The following BICRAL variants were observed in gnomAD, a reference collection of about 807,000 sequenced individuals.
The protein encoded by BICRAL is BRD4-interacting chromatin-remodeling complex-associated protein-like.
Under a neutral mutation model 91.8 loss-of-function variants are expected in BICRAL, and 8 were observed. The ratio of observed to expected loss-of-function variants is 0.09; its 90% CI spans 0.05 to 0.16. BICRAL has a LOEUF of 0.16. Ranked by LOEUF, BICRAL falls within the 10% of genes least tolerant of loss-of-function variation. The probability of loss-of-function intolerance (pLI) is 1.00; values close to 1 mark genes in which losing one functional copy is unlikely to be tolerated. For synonymous variants in BICRAL, 445 were observed against 491.1 expected (o/e 0.91, Z 1.24); for missense variants, 1,038 against 1,310.9 (o/e 0.79, Z 3.21).
At chr6:42,825,848 G>A (rs1287466974) in intron 5 of BICRAL, among the ~76,000 whole-genome samples, 3 of 150,972 alleles carry the variant, frequency 2.0e-5, no homozygotes, top group Non-Finnish European at 4.4e-5. Flanking sequence ...GTGAGAGGCC[G>A]AAGTAGGTGG....
intron 10 of BICRAL, 81 bp from the exon 11 acceptor site, chr6:42,860,181 T>C: frequency 5.0e-6 from 4 of 796,710 alleles, no homozygotes; most frequent in Non-Finnish European, 8.6e-6. Flanking sequence ...AGAAGAGTAA[T>C]GTATTTCAGT....
At chr6:42,763,595 C>T (rs1229647958) in intron 1 of BICRAL, among the ~76,000 whole-genome samples, 3 of 151,810 alleles carry the variant, frequency 2.0e-5, no homozygotes, top group Non-Finnish European at 2.9e-5. Context: ...CTAAGGCAAG[C>T]GGATCACTTG....
At chr6:42,793,733 G>A (rs1324659544) in intron 1 of BICRAL, among the ~76,000 whole-genome samples, 4 of 149,712 alleles carry the variant, frequency 2.7e-5, no homozygotes, top group Non-Finnish European at 4.4e-5. Context: ...TGTTTTTGGC[G>A]CTACTTCTAT....
chr6:42,798,640 G>A (rs1038057039), intron 1 of BICRAL, among the ~76,000 whole-genome samples: 1 of 152,164 alleles, frequency 6.6e-6, no homozygotes, highest in African/African-American at 2.4e-5. Context: ...AGGTTGTAGT[G>A]AGTTGAGATC....
chr6:42,865,838 T>TA lies in BICRAL; in HGVS notation c.*393dup. ...ATAAGTCATTTGAAAAGAACAGACT[T>TA]ACTAAAATCAAACGAGACGGATAGA... On this transcript the variant is annotated 3_prime_UTR_variant, in exon 13 of 13. Transcript: ENST00000314073. 6.2e-6 allele frequency: 1 copy of TA among 161,880 alleles called. No homozygotes were observed. The highest frequency in any genetic ancestry group is 1.3e-5 in the Non-Finnish European group (1 of 74,466). The allele number at this position is 161,880 out of a possible 1,614,324, so 10.0% of individuals were successfully genotyped here.
intron 1 of BICRAL, among the ~76,000 whole-genome samples, chr6:42,765,902 T>TAAAAAGAGG (rs1407006664): frequency 2.0e-5 from 3 of 152,118 alleles, no homozygotes; most frequent in African/African-American, 7.2e-5. Flanking sequence ...AGAAATCGTT[T>TAAAAAGAGG]AAAAAGAGGA....
In BICRAL at chr6:42,810,082, C is replaced by T. The variant is rs554751834; in HGVS notation, c.-101-224C>T. Reference sequence around the variant, plus strand: ...GATTACAGGCGTGAGCCACTATGCCCGGCCAAATTTTTAAATTTCTAAGTC... The same window carrying T: ...GATTACAGGCGTGAGCCACTATGCCTGGCCAAATTTTTAAATTTCTAAGTC... On this transcript the variant is annotated intron_variant, in intron 1 of 12. Transcript: ENST00000314073. Among the ~76,000 whole-genome samples the T allele has an allele frequency of 1.2e-4, 19 of 152,292 alleles. No individual in the cohort carries two copies. The South Asian group carries it at 2.9e-3, about 23-fold the overall frequency.
rs1421887212 is a variant in BICRAL at position 42,826,670 on chromosome 6, GC to G, written c.160-1822del. On this transcript the variant is annotated intron_variant, in intron 5 of 12. Coordinates refer to ENST00000314073, the MANE Select transcript of BICRAL (RefSeq NM_001393499.1). ...TTACTCTTTTCAGTTGCTTTGTTGT[GC>G]TGTGGATGGTAGTCAGAAGTTGTAC... is the stretch of plus-strand genomic sequence containing the variant. Among the ~76,000 whole-genome samples, 8 of 152,076 alleles carry G rather than the reference GC, an allele frequency of 5.3e-5. No individual in the cohort carries two copies. The South Asian group carries it at 6.2e-4, about 12-fold the overall frequency.
chr6:42,845,440 C>T (rs1764977862), intron 6 of BICRAL, among the ~76,000 whole-genome samples: 1 of 151,340 alleles, frequency 6.6e-6, no homozygotes, highest in Non-Finnish European at 1.5e-5. Flanking sequence ...ACTCAAATGG[C>T]TCATCAAGGG....
intron 6 of BICRAL, among the ~76,000 whole-genome samples, chr6:42,834,724 C>T (rs1381868056): frequency 6.6e-6 from 1 of 152,074 alleles, no homozygotes; most frequent in Non-Finnish European, 1.5e-5. Context: ...AGTGGGTGCC[C>T]CTCCAAATTG....
intron 8 of BICRAL, among the ~76,000 whole-genome samples, 195 bp downstream of exon 8, chr6:42,853,933 G>A (rs1765269958): frequency 6.6e-6 from 1 of 152,128 alleles, no homozygotes; most frequent in Non-Finnish European, 1.5e-5. Flanking sequence ...TGAGATGAAT[G>A]TCTATTCTAT....
chr6:42,755,796 A>G (rs1238256446), intron 1 of BICRAL, among the ~76,000 whole-genome samples: 1 of 151,830 alleles, frequency 6.6e-6, no homozygotes, highest in Non-Finnish European at 1.5e-5. Flanking sequence ...CAGCATCCCA[A>G]GTAGCTGGGA....
intron 11 of BICRAL, among the ~76,000 whole-genome samples, chr6:42,861,652 A>G (rs1765559858): frequency 6.6e-6 from 1 of 152,212 alleles, no homozygotes; most frequent in Admixed American, 6.5e-5. Flanking sequence ...AACATAGAGT[A>G]AATGTGTATC....
intron 6 of BICRAL, among the ~76,000 whole-genome samples, chr6:42,832,433 TTATATA>T (rs978041067): frequency 6.8e-6 from 1 of 147,460 alleles, no homozygotes; most frequent in African/African-American, 2.5e-5. Context: ...TATTATGTAT[TTATATA>T]TATATTAATG....
chr6:42,750,418 C>T (rs1015979560), intron 1 of BICRAL, among the ~76,000 whole-genome samples: 2 of 152,012 alleles, frequency 1.3e-5, no homozygotes, highest in African/African-American at 2.4e-5. Context: ...CCCACCTCGG[C>T]CCCTGGAAGT....
chr6:42,860,286 C>T lies in BICRAL; in HGVS notation c.2279C>T (p.Ala760Val). The T allele has an allele frequency of 6.2e-7, 1 of 1,604,826 alleles. No individual in the cohort carries two copies. Among genetic ancestry groups the T allele is most frequent in the Non-Finnish European group, 8.5e-7 (1 of 1,171,924 alleles). ...RKVDNEFETV[A>V]TQLLKRTQAM... is the part of the protein sequence containing the mutation. ...GTGGACAATGAATTTGAGACAGTTG[C>T]CACTCAGCTCCTAAAAAGGACCCAA... Residue 760 changes from alanine to valine, a missense_variant, in exon 11 of 13, where the codon GCC (alanine) becomes GTC (valine). By Grantham distance (64) the Ala-to-Val change is moderately conservative. Around this residue, in one of 5 missense-constraint regions of BICRAL, gnomAD observed 294 missense variants for 292.6 expected, o/e 1.00. Coordinates refer to ENST00000314073, the MANE Select transcript of BICRAL (RefSeq NM_001393499.1).
At chr6:42,819,410 C>T (rs894406810) in intron 2 of BICRAL, among the ~76,000 whole-genome samples, 1 of 152,068 alleles carries the variant, frequency 6.6e-6, no homozygotes, top group Non-Finnish European at 1.5e-5. Context: ...CTTAGCCTCC[C>T]GAGTAGCTGG....
intron 6 of BICRAL, among the ~76,000 whole-genome samples, chr6:42,844,813 G>A (rs1764942254): frequency 6.6e-6 from 1 of 152,122 alleles, no homozygotes; most frequent in Non-Finnish European, 1.5e-5. Context: ...TTTTTGTAGT[G>A]AAAGAAGAGC....
intron 1 of BICRAL, among the ~76,000 whole-genome samples, chr6:42,793,742 A>G (rs930576452): frequency 2.8e-5 from 4 of 144,432 alleles, no homozygotes; most frequent in African/African-American, 1.0e-4. Context: ...CGCTACTTCT[A>G]TGCGTAGGCC....
Sources: allele counts gnomAD v4.1 joint callset (sites outside exome capture counted in the v4.1 genomes callset), GRCh38; gene constraint gnomAD v4.1.1; regional missense constraint gnomAD v4.1.1; transcripts MANE v1.5; gene names NCBI Gene and HGNC (gene_info 2026-07-23, HGNC 2026-07-21).